The following ZBBX variants were observed in gnomAD, a reference collection of about 807,000 sequenced individuals.
ZBBX encodes zinc finger B-box domain containing, also known as zinc finger B-box domain-containing protein 1.
In ZBBX, 101 loss-of-function variants were observed where a neutral mutation model predicts 108.5. That is an observed-to-expected ratio of 0.93 (90% confidence interval 0.79 to 1.10). ZBBX has a LOEUF of 1.10. ZBBX is among the 50% of genes least tolerant of loss of function. The pLI, the probability that ZBBX is intolerant of heterozygous loss-of-function variation, is 0.00. For synonymous variants in ZBBX, 356 were observed against 323.4 expected, an observed-to-expected ratio of 1.10 and a Z score of -1.08; for missense variants, 1,009 against 941.4, an observed-to-expected ratio of 1.07 and a Z score of -0.94.
intron 20 of ZBBX, among the ~76,000 whole-genome samples, chr3:167,248,297 G>A (rs776825438): frequency 4.6e-5 from 7 of 152,152 alleles, no homozygotes; most frequent in Non-Finnish European, 7.4e-5. Context: ...CACCCACCAC[G>A]CTAATGGAAC....
intron 10 of ZBBX, among the ~76,000 whole-genome samples, chr3:167,332,807 G>C (rs1413320651): frequency 6.6e-6 from 1 of 152,126 alleles, no homozygotes; most frequent in East Asian, 1.9e-4. Flanking sequence ...GAAGGTCTGA[G>C]CTGAAATCTA....
downstream of ZBBX, among the ~76,000 whole-genome samples, chr3:167,235,348 T>C (rs1023810401): frequency 9.9e-5 from 15 of 151,564 alleles, no homozygotes; most frequent in South Asian, 1.9e-3. Flanking sequence ...CTATAAAAAT[T>C]TGACTATGTA....
chr3:167,358,106 A>G (rs920220870), intron 8 of ZBBX, among the ~76,000 whole-genome samples: 2 of 151,920 alleles, frequency 1.3e-5, no homozygotes, highest in African/African-American at 4.8e-5. Flanking sequence ...AGCATGGCAC[A>G]TGTATACATA....
At chr3:167,290,989 G>A (rs556353595) in intron 18 of ZBBX, among the ~76,000 whole-genome samples, 12 of 152,096 alleles carry the variant, frequency 7.9e-5, no homozygotes, top group East Asian at 5.8e-4. Context: ...GAAATAAAGC[G>A]GAAAGACAAG....
intron 20 of ZBBX, among the ~76,000 whole-genome samples, chr3:167,260,722 C>G (rs1207373687): frequency 6.6e-6 from 1 of 152,140 alleles, no homozygotes; most frequent in Non-Finnish European, 1.5e-5. Flanking sequence ...GAATATTTCT[C>G]CCTTCACTTC....
chr3:167,372,782 T>C, intron 4 of ZBBX, 52 bp downstream of exon 4: 1 of 928,320 alleles, frequency 1.1e-6, no homozygotes, highest in Non-Finnish European at 1.7e-6. Flanking sequence ...AATTACAATA[T>C]ACAGAAGCTT....
the ZBBX span, among the ~76,000 whole-genome samples, chr3:167,197,567 T>G: frequency 6.6e-6 from 1 of 151,920 alleles, no homozygotes; most frequent in Admixed American, 6.6e-5. Flanking sequence ...AATAAGAATT[T>G]AAAATGTAAC....
chr3:167,259,972 A>T (rs1266577780), intron 20 of ZBBX, among the ~76,000 whole-genome samples: 1 of 152,100 alleles, frequency 6.6e-6, no homozygotes, highest in Non-Finnish European at 1.5e-5. Context: ...ATGTGTTTCT[A>T]GGGTTTGTTT....
At chr3:167,279,908 C>A (rs1430362671) in intron 20 of ZBBX, among the ~76,000 whole-genome samples, 1 of 151,966 alleles carries the variant, frequency 6.6e-6, no homozygotes, top group Non-Finnish European at 1.5e-5. Flanking sequence ...AGATATATAT[C>A]AATGGAACAG....
At chr3:167,392,632 C>A (rs1233933275) in intron 1 of ZBBX, among the ~76,000 whole-genome samples, 1 of 151,730 alleles carries the variant, frequency 6.6e-6, no homozygotes, top group East Asian at 1.9e-4. Context: ...GTCATTGAAC[C>A]CCATCTGCCT....
chr3:167,311,564 C>T (rs1734588174), intron 16 of ZBBX, among the ~76,000 whole-genome samples: 1 of 151,904 alleles, frequency 6.6e-6, no homozygotes, highest in Non-Finnish European at 1.5e-5. Context: ...GCAAAACATA[C>T]AAAAAACTCT....
intron 6 of ZBBX, among the ~76,000 whole-genome samples, chr3:167,364,982 T>C (rs1284671782): frequency 2.6e-5 from 4 of 151,910 alleles, no homozygotes; most frequent in Admixed American, 1.3e-4. Context: ...TTTTTCTTTA[T>C]ATATGTTTTC....
At chr3:167,269,783 C>A (rs747133300) in intron 20 of ZBBX, among the ~76,000 whole-genome samples, 2 of 152,194 alleles carry the variant, frequency 1.3e-5, no homozygotes, top group African/African-American at 4.8e-5. Context: ...CAACTATTCA[C>A]CCTGTTGTCC....
intron 19 of ZBBX, among the ~76,000 whole-genome samples, chr3:167,285,688 T>C (rs932134160): frequency 6.6e-6 from 1 of 152,146 alleles, no homozygotes; most frequent in Non-Finnish European, 1.5e-5. Context: ...GAATTAATAC[T>C]CAATCAAATT....
the ZBBX span, among the ~76,000 whole-genome samples, chr3:167,223,734 GT>G: frequency 6.6e-6 from 1 of 151,840 alleles, no homozygotes; most frequent in African/African-American, 2.4e-5. Context: ...ATTATTTTAT[GT>G]TTTTTCTGGT....
chr3:167,333,340 T>C (rs963564213), intron 10 of ZBBX, among the ~76,000 whole-genome samples: 5 of 152,112 alleles, frequency 3.3e-5, no homozygotes, highest in African/African-American at 1.2e-4. Flanking sequence ...AGACATGAGT[T>C]GATAAAAGCT....
intron 8 of ZBBX, among the ~76,000 whole-genome samples, chr3:167,359,161 T>A (rs1416928116): frequency 6.6e-6 from 1 of 152,106 alleles, no homozygotes; most frequent in Non-Finnish European, 1.5e-5. Context: ...AAATTTAACA[T>A]GGATGAATCA....
chr3:167,402,077 A>G (rs1295041883), intron 1 of ZBBX, among the ~76,000 whole-genome samples: 1 of 152,148 alleles, frequency 6.6e-6, no homozygotes, highest in Non-Finnish European at 1.5e-5. Flanking sequence ...GCTATTGGCA[A>G]CAGTGGAGAT....
At chr3:167,275,125 A>ATGTTGG (rs1727278838) in intron 20 of ZBBX, among the ~76,000 whole-genome samples, 2 of 152,238 alleles carry the variant, frequency 1.3e-5, no homozygotes, top group Non-Finnish European at 2.9e-5. Context: ...CTAAATATAT[A>ATGTTGG]CTTAAAATAT....
Sources: gnomAD v4.1 joint callset for allele counts (sites outside exome capture counted in the v4.1 genomes callset) on GRCh38, gnomAD v4.1.1 for gene constraint, MANE v1.5 for transcripts, NCBI Gene and HGNC (gene_info 2026-07-23, HGNC 2026-07-21) for gene names.